Variants in PXDN observed in about 807,000 individuals in gnomAD.
The protein encoded by PXDN is peroxidasin, also known as peroxidasin homolog.
A neutral mutation model predicts 140.3 loss-of-function variants in PXDN; 77 were observed. That is an observed-to-expected ratio of 0.55 (90% CI 0.46 to 0.66). The LOEUF (loss-of-function observed/expected upper bound fraction) is 0.66. PXDN is among the 30% of genes least tolerant of loss of function. PXDN has a pLI of 0.00. For synonymous variants in PXDN, 911 were observed against 857.4 expected (o/e 1.06, Z -1.09); for missense variants, 1,838 against 2,039.5 (o/e 0.90, Z 1.90).
At position 1,660,613 on chromosome 2, in the gene PXDN, G is replaced by A. The variant is rs1475915586; in HGVS notation, c.1837+268C>T. Among the ~76,000 whole-genome samples the A allele has an allele frequency of 6.6e-6, 1 of 152,226 alleles. No individual in the cohort carries two copies. The highest frequency in any genetic ancestry group is 1.5e-5 in the Non-Finnish European group (1 of 68,042). On this transcript the variant is annotated intron_variant, in intron 14 of 22. Coordinates refer to ENST00000252804, the MANE Select transcript of PXDN (RefSeq NM_012293.3). This position sits in a 1 kb window ranked among gnomAD's most constrained non-coding sequence, Gnocchi z 4.6. ...AGCTCTGCCCAGTGGATGGGCTGCA[G>A]GGTAAGACATTGCCCAGTGGACAGG...
In PXDN at chr2:1,649,005, G is replaced by A; in HGVS notation, c.2775C>T (p.Ser925=). Residue 925 remains serine, a synonymous_variant, in exon 17 of 23, where the codon AGC becomes AGT. Transcript: ENST00000252804. The surrounding 1 kb of genome is among the most constrained non-coding windows in gnomAD (Gnocchi z 7.1). ...CGCGGTGGCTGGCCAGGTCGCGGAT[G>A]CTGCGGGCCTCATGCTCCGTGCTCC... ...VYGSTEHEAR[S]IRDLASHRGL... The A allele has an allele frequency of 1.2e-6, 2 of 1,612,224 alleles. No individual in the cohort carries two copies. The highest frequency in any genetic ancestry group is 1.7e-6 in the Non-Finnish European group (2 of 1,179,524).
Position 1,680,151 on chromosome 2 carries a change from G to T in PXDN, c.730+42C>A, listed in dbSNP as rs72763569. On this transcript the variant is annotated intron_variant, in intron 7 of 22. Coordinates refer to ENST00000252804, the MANE Select transcript of PXDN (RefSeq NM_012293.3). ...GTGTGTGGATGGTGTGTGTGTAGAT[G>T]GTGTGAGTGTGTGGATGGTGTGTGC... 216,453 of 1,507,900 alleles carry T rather than the reference G, an allele frequency of 0.14. 16,488 individuals carry two copies. Among genetic ancestry groups the T allele is most frequent in the Non-Finnish European group, 0.15 (171,043 of 1,120,270 alleles). 93.4% of individuals were successfully genotyped at this position (1,507,900 alleles called of 1,614,324 possible).
intron 6 of PXDN, among the ~76,000 whole-genome samples, chr2:1,682,661 C>T (rs760051879): frequency 6.6e-5 from 10 of 152,182 alleles, no homozygotes; most frequent in Non-Finnish European, 1.3e-4. Flanking sequence ...GGGTGGAGGC[C>T]GGGTGCGGTG....
At chr2:1,726,194 A>G (rs1365904810) in intron 1 of PXDN, among the ~76,000 whole-genome samples, 1 of 151,852 alleles carries the variant, frequency 6.6e-6, no homozygotes, top group African/African-American at 2.4e-5. Context: ...TCCAACAATG[A>G]TAGACTGGAT....
chr2:1,733,748 C>CAAAAAAAAAAAAAAAAA (rs72208257), intron 1 of PXDN, among the ~76,000 whole-genome samples: 2 of 79,244 alleles, frequency 2.5e-5, no homozygotes, highest in Admixed American at 1.8e-4. Flanking sequence ...TGTCAAATGA[C>CAAAAAAAAAAAAAAAAA]AAAAAAAAAA....
At chr2:1,721,808 C>T (rs1352185059) in intron 1 of PXDN, among the ~76,000 whole-genome samples, 14 of 142,164 alleles carry the variant, frequency 9.8e-5, no homozygotes, top group South Asian at 2.4e-4. Flanking sequence ...AGAGAGACTC[C>T]GTCTCAAAAT....
At chr2:1,672,087 G>A (rs1683591667) in intron 9 of PXDN, 1 of 152,270 alleles carries the variant, frequency 6.6e-6, no homozygotes, top group Admixed American at 6.5e-5. Context: ...GCTGCAGTGT[G>A]TCAGCCTAGG....
At chr2:1,680,070 G>T in intron 7 of PXDN, 123 bp downstream of exon 7, 1 of 1,238,238 alleles carries the variant, frequency 8.1e-7, no homozygotes, top group South Asian at 1.5e-5. Context: ...GTCTATAAAT[G>T]GTGTGTGTGT....
chr2:1,672,065 T>G (rs1683591082), intron 9 of PXDN: 1 of 151,974 alleles, frequency 6.6e-6, no homozygotes, highest in Admixed American at 6.5e-5. Context: ...AGTAGGCAGG[T>G]GTGGACTGCA....
At chr2:1,657,849 CCCTCT>C in intron 14 of PXDN, among the ~76,000 whole-genome samples, 1 of 147,248 alleles carries the variant, frequency 6.8e-6, no homozygotes. Flanking sequence ...TTGGGACCCG[CCCTCT>C]CCTGACAAGG....
rs1399298604 is a variant in PXDN, at chr2:1,653,734, A to C, written c.1998T>G (p.Asp666Glu). 1 of 1,597,572 alleles carries C rather than the reference A, an allele frequency of 6.3e-7. No homozygotes were observed. Residue 666 changes from aspartate (D) to glutamate (E), a missense_variant, in exon 16 of 23, where the codon GAT becomes GAG. This residue lies in a region of PXDN where 537 missense variants were observed against 583.9 expected (regional missense o/e 0.92). Coordinates refer to ENST00000252804, the MANE Select transcript of PXDN (RefSeq NM_012293.3). The stretch of plus-strand genomic sequence containing the variant: ...CCCGTGCCTGTTCAACTGTGTAAGG[A>C]TCCCTCGGATACCGGAACAAGGCCA... ...DLLALFRYPR[D>E]PYTVEQARAG...
chr2:1,683,423 A>AG (rs1683963870), intron 6 of PXDN, among the ~76,000 whole-genome samples: 1 of 69,370 alleles, frequency 1.4e-5, no homozygotes, highest in African/African-American at 4.0e-5. Context: ...CTGAAAAAAA[A>AG]TTTTTTTAAG....
Position 1,634,102 on chromosome 2 carries a change from G to A in PXDN, c.*102C>T, listed in dbSNP as rs753920892. On this transcript the variant is annotated 3_prime_UTR_variant, in exon 23 of 23. Transcript: ENST00000252804. ...GCTGGACGTTGTCATGAAATGTCAC[G>A]AGTTCTGGGTGTTTCCTGGTCTGCA... 87 of 1,470,846 alleles carry A rather than the reference G, an allele frequency of 5.9e-5. No homozygotes were observed. Among genetic ancestry groups the A allele is most frequent in the African/African-American group, 5.9e-4 (42 of 71,264 alleles). 91.1% of individuals were successfully genotyped at this position (1,470,846 alleles called of 1,614,324 possible).
At chr2:1,743,851 G>A (rs1685618476) in intron 1 of PXDN, among the ~76,000 whole-genome samples, 1 of 147,480 alleles carries the variant, frequency 6.8e-6, no homozygotes, top group Non-Finnish European at 1.5e-5. Context: ...GCGGGGGAAA[G>A]GTGAGCGGAG....
intron 21 of PXDN, among the ~76,000 whole-genome samples, chr2:1,637,706 G>A (rs1188450785): frequency 8.0e-6 from 1 of 125,476 alleles, no homozygotes; most frequent in Non-Finnish European, 1.7e-5. Context: ...TGTCCACTCT[G>A]ACAGCTGCCT....
intron 12 of PXDN, 35 bp from the exon 13 acceptor site, chr2:1,662,219 G>C (rs1351066352): frequency 2.0e-6 from 3 of 1,525,406 alleles, no homozygotes; most frequent in Middle Eastern, 1.7e-4. Flanking sequence ...AGGAGAACGA[G>C]TCAATTACAT....
At position 1,639,855 on chromosome 2, in the gene PXDN, C is replaced by T. The variant is rs1489461739; in HGVS notation, c.3953-433G>A. ...AAATTATGCTACACTCCCTACGTCA[C>T]ACTGCCAGCCCCAGTGTCAGACAAG... On this transcript the variant is annotated intron_variant, in intron 19 of 22. Transcript: ENST00000252804. This position sits in a 1 kb window ranked among gnomAD's most constrained non-coding sequence, Gnocchi z 5.0. Among the ~76,000 whole-genome samples, 1 of 152,228 alleles carries T rather than the reference C, an allele frequency of 6.6e-6. No homozygotes were observed. The highest frequency in any genetic ancestry group is 1.5e-5 in the Non-Finnish European group (1 of 68,028).
At chr2:1,733,382 G>A (rs138306219) in intron 1 of PXDN, among the ~76,000 whole-genome samples, 30 of 152,124 alleles carry the variant, frequency 2.0e-4, no homozygotes, top group East Asian at 1.2e-3. Context: ...ACACACAGAC[G>A]TTGTACTGAC....
chr2:1,662,291 A>C (rs1683323803), intron 12 of PXDN, 107 bp from the exon 13 acceptor site: 7 of 953,918 alleles, frequency 7.3e-6, no homozygotes, highest in Non-Finnish European at 1.1e-5. Context: ...GGATGCTGGG[A>C]GCTCACAGTC....
Sources: allele counts gnomAD v4.1 joint callset (sites outside exome capture counted in the v4.1 genomes callset), GRCh38; gene constraint gnomAD v4.1.1; regional missense constraint gnomAD v4.1.1; non-coding constraint Gnocchi (gnomAD v3.1); transcripts MANE v1.5; gene names NCBI Gene and HGNC (gene_info 2026-07-23, HGNC 2026-07-21).